MTR: variants seen among roughly 807,000 people sequenced by gnomAD.
MTR encodes methionine synthase.
A neutral mutation model predicts 154.8 loss-of-function variants in MTR; 84 were observed. The observed-to-expected ratio is 0.54, with a 90% CI of 0.45 to 0.65. The LOEUF is 0.65. Ranked by LOEUF, MTR falls within the 30% of genes least tolerant of loss-of-function variation. The probability of loss-of-function intolerance (pLI) is 0.00; values close to 1 mark genes in which losing one functional copy is unlikely to be tolerated. For synonymous variants in MTR, 554 were observed against 553.9 expected, an observed-to-expected ratio of 1.00 and a Z score of 0.00; for missense variants, 1,275 against 1,570.2, an observed-to-expected ratio of 0.81 and a Z score of 3.18.
chr1:236,879,983 C>A (rs1270822454), intron 24 of MTR, among the ~76,000 whole-genome samples: 1 of 143,566 alleles, frequency 7.0e-6, no homozygotes, highest in African/African-American at 2.5e-5. Flanking sequence ...GAAACCCCAT[C>A]TCTACTAAAA....
Position 236,897,310 on chromosome 1 carries a change from G to GCGCGCGCGCACACACACACACACACA in MTR, c.3711+193_3711+194insGCGCGCGCACACACACACACACACAC. On this transcript the variant is annotated intron_variant, in intron 32 of 32. Transcript: ENST00000366577. ...ACTTCTACATGCAAGCCACACACAC[G>GCGCGCGCGCACACACACACACACACA]CACACACACACACACACACACACAC... Among the ~76,000 whole-genome samples the GCGCGCGCGCACACACACACACACACA allele has an allele frequency of 7.6e-3, 979 of 128,590 alleles. 16 individuals are homozygous for GCGCGCGCGCACACACACACACACACA. The highest frequency in any genetic ancestry group is 0.012 in the Non-Finnish European group (686 of 58,092). The allele number at this position is 128,590 out of a possible 152,430, so 84.4% of individuals were successfully genotyped here. A position where few individuals can be genotyped will look rare whatever the true frequency, so the allele number is the denominator to read the frequency against.
chr1:236,823,305 A>C (rs1320964812), intron 8 of MTR, among the ~76,000 whole-genome samples: 4 of 152,190 alleles, frequency 2.6e-5, no homozygotes, highest in Non-Finnish European at 5.9e-5. Flanking sequence ...TAGCATCCTT[A>C]ATCTGAAATC....
In MTR at chr1:236,900,174, A is replaced by G. The variant is rs923446504; in HGVS notation, c.*2530A>G. ...GAAAAAGTGAAATGTATGTCTGTCTACAGGAAAATAGGTGAATAATTAGAT... is the reference window on the plus strand; with the variant it reads ...GAAAAAGTGAAATGTATGTCTGTCTGCAGGAAAATAGGTGAATAATTAGAT... On this transcript the variant is annotated 3_prime_UTR_variant, in exon 33 of 33. Coordinates refer to ENST00000366577, the MANE Select transcript of MTR (RefSeq NM_000254.3). The G allele has an allele frequency of 2.4e-6, 1 of 408,322 alleles. No homozygotes were observed. Among genetic ancestry groups the G allele is most frequent in the African/African-American group, 2.1e-5 (1 of 48,672 alleles). 25.3% of individuals were successfully genotyped at this position (408,322 alleles called of 1,614,324 possible).
At chr1:236,815,480 C>A in intron 6 of MTR, 124 bp from the exon 7 acceptor site, 1 of 930,980 alleles carries the variant, frequency 1.1e-6, no homozygotes, top group Non-Finnish European at 1.7e-6. Context: ...CACTTCTTCC[C>A]AGAGAGCTTG....
At chr1:236,837,849 G>A (rs559867235) in intron 14 of MTR, among the ~76,000 whole-genome samples, 3 of 152,262 alleles carry the variant, frequency 2.0e-5, no homozygotes, top group African/African-American at 7.2e-5. Context: ...GAATTAAAAG[G>A]AACCTATTCT....
chr1:236,891,016 A>G (rs918172766), intron 28 of MTR, 117 bp from the exon 29 acceptor site: 13 of 1,211,236 alleles, frequency 1.1e-5, no homozygotes, highest in African/African-American at 6.0e-5. Context: ...TTTGAGGAAA[A>G]TGGAGAAGCC....
chr1:236,805,593 A>G (rs963142173), intron 2 of MTR, among the ~76,000 whole-genome samples: 5 of 146,744 alleles, frequency 3.4e-5, no homozygotes, highest in Non-Finnish European at 7.4e-5. Context: ...CTCTGGGCCC[A>G]AGCAGTCCTC....
intron 22 of MTR, among the ~76,000 whole-genome samples, chr1:236,871,391 G>A (rs1273926971): frequency 6.6e-6 from 1 of 151,986 alleles, no homozygotes; most frequent in Non-Finnish European, 1.5e-5. Flanking sequence ...CCTTAAACAT[G>A]GCAAGCATCC....
At chr1:236,795,871 T>C in intron 1 of MTR, 134 bp downstream of exon 1, 5 of 1,397,056 alleles carry the variant, frequency 3.6e-6, no homozygotes, top group Non-Finnish European at 5.0e-6. Context: ...GCGGCACCTT[T>C]AGAACTTAGC....
rs575706892 is a variant in MTR, at chr1:236,808,751, C to A, written c.387C>A (p.Ala129=). The change falls in exon 4 of 33, where the codon GCC becomes GCA. Residue 129 remains alanine, a synonymous_variant. Transcript: ENST00000366577. ...CTGCAGGAGTGGCCAGAAAAGCTGC[C>A]GAGGAGGTAACTCTCCAGACAGGTA... The part of the protein sequence containing the change: ...MCSAGVARKA[A]EEVTLQTGIK... 1.2e-6 allele frequency: 2 copies of A among 1,614,170 alleles called. No individual in the cohort carries two copies. Among genetic ancestry groups the A allele is most frequent in the East Asian group, 4.5e-5 (2 of 44,890 alleles).
rs1050155375 is a variant in MTR at position 236,898,332 on chromosome 1, A to G, written c.*688A>G. Reference sequence around the variant, plus strand: ...TTTCATATTTCCGTACCCCTGAGGAAACAAAAAGGAAATGAGGAGAGAAAG... The same window carrying G: ...TTTCATATTTCCGTACCCCTGAGGAGACAAAAAGGAAATGAGGAGAGAAAG... On this transcript the variant is annotated 3_prime_UTR_variant, in exon 33 of 33. Transcript: ENST00000366577. 10 of 152,242 alleles carry G rather than the reference A, an allele frequency of 6.6e-5. No individual in the cohort carries two copies. Among genetic ancestry groups the G allele is most frequent in the African/African-American group, 2.4e-4 (10 of 41,522 alleles). 9.4% of individuals were successfully genotyped at this position (152,242 alleles called of 1,614,324 possible). A position where few individuals can be genotyped will look rare whatever the true frequency, so the allele number is the denominator to read the frequency against.
At chr1:236,858,692 A>C (rs539623308) in intron 18 of MTR, among the ~76,000 whole-genome samples, 35 of 152,214 alleles carry the variant, frequency 2.3e-4, no homozygotes, top group Admixed American at 9.8e-4. Flanking sequence ...TGGAGAGAAA[A>C]AGTTTTGAGG....
chr1:236,810,549 A>G lies in MTR; in HGVS notation c.456A>G (p.Thr152=), dbSNP rs1269130772. 6.2e-7 allele frequency: 1 copy of G among 1,613,664 alleles called. No individual in the cohort carries two copies. Among genetic ancestry groups the G allele is most frequent in the South Asian group, 1.1e-5 (1 of 91,066 alleles). The change falls in exon 5 of 33, where the codon ACA becomes ACG. Residue 152 remains threonine, a synonymous_variant. Transcript: ENST00000366577. ...GGGCTCTGGGTCCGACTAATAAGAC[A>G]CTCTCTGTGTCCCCATCTGTGGAAA... is the stretch of plus-strand genomic sequence containing the variant. ...VAGALGPTNK[T]LSVSPSVERP... is the part of the protein sequence containing the mutation.
At chr1:236,842,614 C>G (rs1438722840) in intron 15 of MTR, among the ~76,000 whole-genome samples, 2 of 151,764 alleles carry the variant, frequency 1.3e-5, no homozygotes, top group East Asian at 3.9e-4. Flanking sequence ...GCAACTGTTA[C>G]TTTTTAATGA....
At position 236,795,519 on chromosome 1, in the gene MTR, AGGGCGCTGCGGGCTTTC is replaced by A. The variant is rs1167168560; in HGVS notation, c.-181_-165del. 1 of 1,526,544 alleles carries A rather than the reference AGGGCGCTGCGGGCTTTC, an allele frequency of 6.6e-7. No homozygotes were observed. Among genetic ancestry groups the A allele is most frequent in the Non-Finnish European group, 8.8e-7 (1 of 1,140,528 alleles). The allele number at this position is 1,526,544 out of a possible 1,614,324, so 94.6% of individuals were successfully genotyped here. On this transcript the variant is annotated 5_prime_UTR_variant, in exon 1 of 33. Coordinates refer to ENST00000366577, the MANE Select transcript of MTR (RefSeq NM_000254.3). Reference sequence around the variant, plus strand: ...CGCGCCCAGCCCCGAGAGAGGCCCTAGGGCGCTGCGGGCTTTCGGGGTCCGCAGTCCCCCCGCGACGC... The same window carrying A: ...CGCGCCCAGCCCCGAGAGAGGCCCTAGGGGTCCGCAGTCCCCCCGCGACGC...
Position 236,861,114 on chromosome 1 carries a change from G to GT in MTR, c.2044-10dup. The stretch of plus-strand genomic sequence containing the variant: ...TTCTTTTTCTTTTTTTTTTTTTTTT[G>GT]TCTTTTTTAGGGCATTGAAAAACAT... On this transcript the variant is annotated splice_polypyrimidine_tract_variant and intron_variant, in intron 19 of 32. Coordinates refer to ENST00000366577, the MANE Select transcript of MTR (RefSeq NM_000254.3). 3.7e-6 allele frequency: 2 copies of GT among 541,854 alleles called. No homozygotes were observed. Among genetic ancestry groups the GT allele is most frequent in the East Asian group, 4.0e-5 (1 of 24,974 alleles). 33.6% of individuals were successfully genotyped at this position (541,854 alleles called of 1,614,324 possible).
intron 20 of MTR, 26 bp from the exon 21 acceptor site, chr1:236,862,210 T>TA: frequency 6.3e-7 from 1 of 1,584,954 alleles, no homozygotes; most frequent in Admixed American, 1.7e-5. Flanking sequence ...TTGGGAAAGA[T>TA]ACCTGATCTA....
chr1:236,852,104 C>G (rs1572264584), intron 16 of MTR, among the ~76,000 whole-genome samples: 1 of 152,192 alleles, frequency 6.6e-6, no homozygotes, highest in East Asian at 1.9e-4. Flanking sequence ...ATGCTTGATA[C>G]TGTCATCGGT....
intron 27 of MTR, 121 bp from the exon 28 acceptor site, chr1:236,889,060 C>T (rs1364564862): frequency 2.5e-6 from 3 of 1,218,850 alleles, no homozygotes; most frequent in South Asian, 2.4e-5. Flanking sequence ...AAAACAACTC[C>T]TACGGGTGAC....
Sources: gnomAD v4.1 joint callset for allele counts (sites outside exome capture counted in the v4.1 genomes callset) on GRCh38, gnomAD v4.1.1 for gene constraint, MANE v1.5 for transcripts, NCBI Gene and HGNC (gene_info 2026-07-23, HGNC 2026-07-21) for gene names.